REC8: variants seen among roughly 807,000 people sequenced by gnomAD.
REC8 encodes meiotic recombination protein REC8 homolog.
Under a neutral mutation model 78.3 loss-of-function variants are expected in REC8, and 42 were observed. The ratio of observed to expected loss-of-function variants is 0.54; its 90% CI spans 0.42 to 0.69. REC8 has a LOEUF of 0.69. Ranked by LOEUF, REC8 falls within the 30% of genes least tolerant of loss-of-function variation. The pLI is 0.00. For synonymous variants in REC8, 268 were observed against 274.1 expected (o/e 0.98, Z 0.22); for missense variants, 581 against 715.8 (o/e 0.81, Z 2.15).
rs1162138837 is a variant in REC8, at chr14:24,178,571, T to C, written c.997-35T>C. The C allele has an allele frequency of 3.1e-6, 5 of 1,608,506 alleles. No homozygotes were observed. In the African/African-American group the frequency reaches 5.4e-5, roughly 17 times the overall value. The stretch of plus-strand genomic sequence containing the variant: ...AAGGGGCCCTGAGGAGTGGCTGCTT[T>C]ATAATGGGGCTTCTGACCTTCCCCC... On this transcript the variant is annotated intron_variant, in intron 12 of 18. Coordinates refer to ENST00000611366, the MANE Select transcript of REC8 (RefSeq NM_001048205.2).
In REC8 at chr14:24,173,195, A is replaced by G. The variant is rs1378185602; in HGVS notation, c.338A>G (p.Glu113Gly). The G allele has an allele frequency of 6.2e-7, 1 of 1,614,160 alleles. No homozygotes were observed. The highest frequency in any genetic ancestry group is 8.5e-7 in the Non-Finnish European group (1 of 1,180,016). Residue 113 changes from glutamate to glycine, a missense_variant, in exon 4 of 19, where the codon GAG (glutamate) becomes GGG (glycine). Glu to Gly is a moderately conservative substitution (Grantham distance 98, BLOSUM62 -2). Transcript: ENST00000611366. The part of the protein sequence containing the change: ...QLQIRIDMET[E>G]LPSLLLPNHL... ...CAGATCCGAATAGATATGGAGACTGAGCTGTGAGTGTGCCCTGGGCCTTTG... is the reference window on the plus strand; with the variant it reads ...CAGATCCGAATAGATATGGAGACTGGGCTGTGAGTGTGCCCTGGGCCTTTG...
chr14:24,180,157 C>G lies in REC8; in HGVS notation c.*62C>G, dbSNP rs1395153754. On this transcript the variant is annotated 3_prime_UTR_variant, in exon 19 of 19. Coordinates refer to ENST00000611366, the MANE Select transcript of REC8 (RefSeq NM_001048205.2). ...CCACTTCTAGTAAACCACGTCGTGC[C>G]TCACTGGGTCCTGCTTACCTCATTT... 1 of 1,613,874 alleles carries G rather than the reference C, an allele frequency of 6.2e-7. No individual in the cohort carries two copies. The highest frequency in any genetic ancestry group is 8.5e-7 in the Non-Finnish European group (1 of 1,179,996).
At position 24,173,176 on chromosome 14, in the gene REC8, C is replaced by G. The variant is rs1482430589; in HGVS notation, c.319C>G (p.Arg107Gly). The G allele has an allele frequency of 6.2e-6, 10 of 1,614,060 alleles. No individual in the cohort carries two copies. In the Admixed American group the frequency reaches 1.7e-4, roughly 27 times the overall value. ...CCTCCACCGTGCCCAGCTGCAGATC[C>G]GAATAGATATGGAGACTGAGCTGTG... ...ERLHRAQLQI[R>G]IDMETELPSL... Residue 107 changes from arginine (R) to glycine (G), a missense_variant, in exon 4 of 19, where the codon CGA (arginine) becomes GGA (glycine). By Grantham distance (125) the Arg-to-Gly change is moderately radical. Transcript: ENST00000611366.
At chr14:24,179,161 G>A in intron 15 of REC8, 28 bp downstream of exon 15, 9 of 1,544,970 alleles carry the variant, frequency 5.8e-6, no homozygotes, top group Non-Finnish European at 7.9e-6. Context: ...AGGCGCAGTG[G>A]GACCACACCC....
rs141999393 is a variant in REC8, at chr14:24,179,919, A to ATGTG, written c.1558+23_1558+26dup. On this transcript the variant is annotated intron_variant, in intron 18 of 18. Coordinates refer to ENST00000611366, the MANE Select transcript of REC8 (RefSeq NM_001048205.2). Reference sequence around the variant, plus strand: ...TACCTGCTCCTGGGTGAGTGTATGCATGTGTGTGTGTGTATGTGGGGCAGG... The same window carrying ATGTG: ...TACCTGCTCCTGGGTGAGTGTATGCATGTGTGTGTGTGTGTGTATGTGGGGCAGG... 1.2e-6 allele frequency: 2 copies of ATGTG among 1,612,278 alleles called. No homozygotes were observed. Among genetic ancestry groups the ATGTG allele is most frequent in the South Asian group, 2.2e-5 (2 of 90,988 alleles).
intron 6 of REC8, 51 bp downstream of exon 6, chr14:24,175,675 G>T (rs1322467870): frequency 6.8e-7 from 1 of 1,462,254 alleles, no homozygotes; most frequent in Non-Finnish European, 9.5e-7. Context: ...AGGCCCAAGA[G>T]CTGTAGAAAT....
intron 18 of REC8, 25 bp downstream of exon 18, chr14:24,179,931 G>A: frequency 6.2e-7 from 1 of 1,614,068 alleles, no homozygotes; most frequent in Non-Finnish European, 8.5e-7. Context: ...GTGTGTGTGT[G>A]TATGTGGGGC....
In REC8 at chr14:24,173,139, C is replaced by G. The variant is rs11547058; in HGVS notation, c.282C>G (p.His94Gln). 15 of 1,613,922 alleles carry G rather than the reference C, an allele frequency of 9.3e-6. No individual in the cohort carries two copies. Among genetic ancestry groups the G allele is most frequent in the Middle Eastern group, 3.3e-4 (2 of 6,084 alleles). Residue 94 changes from histidine to glutamine, a missense_variant, in exon 4 of 19, where the codon CAC becomes CAG. His to Gln is a conservative substitution (Grantham distance 24, BLOSUM62 0). Transcript: ENST00000611366. ...CCCTGCCCACAGAGGACATCCAGCACATCTTGGAGCGCCTCCACCGTGCCC... is the reference window on the plus strand; with the variant it reads ...CCCTGCCCACAGAGGACATCCAGCAGATCTTGGAGCGCCTCCACCGTGCCC... ...QCQYLVEDIQ[H>Q]ILERLHRAQL... is the part of the protein sequence containing the mutation.
chr14:24,178,283 G>A, intron 12 of REC8, 61 bp downstream of exon 12: 1 of 1,464,784 alleles, frequency 6.8e-7, no homozygotes, highest in Non-Finnish European at 9.5e-7. Flanking sequence ...AGGGGCACAT[G>A]CAGGCTGAGC....
At position 24,178,671 on chromosome 14, in the gene REC8, C is replaced by G; in HGVS notation, c.1062C>G (p.Leu354=). The change falls in exon 13 of 19, where the codon CTC becomes CTG. Residue 354 remains leucine (L), a splice_region_variant and synonymous_variant. Transcript: ENST00000611366. ...CGGAGTTGTTCAGAACCCCAACTCT[C>G]TGTAAGAATGGTGGGGGTTGGGCAC... ...GPAELFRTPT[L]SGWLPPELLG... is the part of the protein sequence containing the mutation. 2 of 1,614,096 alleles carry G rather than the reference C, an allele frequency of 1.2e-6. No individual in the cohort carries two copies. Among genetic ancestry groups the G allele is most frequent in the East Asian group, 2.2e-5 (1 of 44,882 alleles).
chr14:24,177,435 T>G (rs1429740155), intron 9 of REC8, 30 bp from the exon 10 acceptor site: 5 of 1,613,962 alleles, frequency 3.1e-6, no homozygotes, highest in African/African-American at 2.7e-5. Flanking sequence ...GGGAAGGGTC[T>G]CCTCATTTCT....
In REC8 at chr14:24,177,235, G is replaced by A. The variant is rs201867056; in HGVS notation, c.706+13G>A. ...ATCTTGTTAGAAAGTAGGTGTCTCC[G>A]GCAGCGTAGGGCCCGCCTGGAGCTG... On this transcript the variant is annotated intron_variant, in intron 8 of 18. Coordinates refer to ENST00000611366, the MANE Select transcript of REC8 (RefSeq NM_001048205.2). The A allele has an allele frequency of 2.6e-4, 421 of 1,613,456 alleles. No individual in the cohort carries two copies. Among genetic ancestry groups the A allele is most frequent in the Middle Eastern group, 1.6e-3 (10 of 6,062 alleles).
chr14:24,175,344 C>T (rs977087641), intron 5 of REC8, 199 bp from the exon 6 acceptor site: 36 of 516,224 alleles, frequency 7.0e-5, no homozygotes, highest in Middle Eastern at 3.0e-4. Flanking sequence ...AACTGGGGTG[C>T]GGGTTGGGGA....
rs936617464 is a variant in REC8, at chr14:24,172,245, G to C, written c.-308G>C. ...ATTCCGGCCCGGACGTCCCCTTGGA[G>C]CTCTGCATCTCCAACCTGGAACCCA... On this transcript the variant is annotated 5_prime_UTR_variant, in exon 1 of 19. Transcript: ENST00000611366. 3 of 435,102 alleles carry C rather than the reference G, an allele frequency of 6.9e-6. No homozygotes were observed. In the Admixed American group the frequency reaches 1.2e-4, roughly 17 times the overall value. The allele number at this position is 435,102 out of a possible 1,614,324, so 27.0% of individuals were successfully genotyped here. A position where few individuals can be genotyped will look rare whatever the true frequency, so the allele number is the denominator to read the frequency against.
At chr14:24,179,971 G>T (rs1230357907) in intron 18 of REC8, 39 bp from the exon 19 acceptor site, 1 of 1,614,078 alleles carries the variant, frequency 6.2e-7, no homozygotes, top group Admixed American at 1.7e-5. Flanking sequence ...GCCCGTACAG[G>T]GACTCCCCCG....
At chr14:24,176,949 ACTTCT>A (rs758856618) in intron 7 of REC8, 48 bp downstream of exon 7, 2 of 1,496,416 alleles carry the variant, frequency 1.3e-6, no homozygotes, top group Admixed American at 3.4e-5. Context: ...CCTTGCATGT[ACTTCT>A]CTCTGTCCCC....
At chr14:24,175,297 A>C in intron 5 of REC8, 1 of 363,684 alleles carries the variant, frequency 2.7e-6, no homozygotes, top group Non-Finnish European at 5.1e-6. Context: ...TGAGCCACCG[A>C]GCCCGGCCTT....
At chr14:24,179,308 C>G in intron 15 of REC8, 89 bp from the exon 16 acceptor site, 7 of 1,416,906 alleles carry the variant, frequency 4.9e-6, no homozygotes, top group Non-Finnish European at 7.0e-6. Flanking sequence ...AGTCACCGCA[C>G]GGCTCTGCCA....
Position 24,178,603 on chromosome 14 carries a change from C to A in REC8, c.997-3C>A, listed in dbSNP as rs374525171. 1 of 1,613,940 alleles carries A rather than the reference C, an allele frequency of 6.2e-7. No homozygotes were observed. Among genetic ancestry groups the A allele is most frequent in the South Asian group, 1.1e-5 (1 of 91,076 alleles). On this transcript the variant is annotated splice_region_variant and splice_polypyrimidine_tract_variant and intron_variant, in intron 12 of 18. Transcript: ENST00000611366. ...GGGCTTCTGACCTTCCCCCACTACA[C>A]AGCCTATGGTGCAGCCGCCCGAGAG...
Sources: gnomAD v4.1 joint callset for allele counts on GRCh38, gnomAD v4.1.1 for gene constraint, MANE v1.5 for transcripts, NCBI Gene and HGNC (gene_info 2026-07-23, HGNC 2026-07-21) for gene names.